RASA3: variants seen among roughly 807,000 people sequenced by gnomAD.
RASA3 encodes the protein ras GTPase-activating protein 3.
RASA3 carries 73 observed loss-of-function variants against 110.0 expected under a neutral mutation model. The observed-to-expected ratio is 0.66, with a 90% CI of 0.55 to 0.81. The LOEUF (loss-of-function observed/expected upper bound fraction) is 0.81, where lower values mean the gene tolerates loss of function less well. RASA3 is among the 30% of genes least tolerant of loss of function. RASA3 has a pLI of 0.00. For synonymous variants in RASA3, 500 were observed against 451.4 expected, an observed-to-expected ratio of 1.11 and a Z score of -1.37; for missense variants, 976 against 1,113.2, an observed-to-expected ratio of 0.88 and a Z score of 1.75.
At position 114,114,239 on chromosome 13, in the gene RASA3, G is replaced by A. The variant is rs1004476134; in HGVS notation, c.55+18196C>T. Among the ~76,000 whole-genome samples, 7 of 152,228 alleles carry A rather than the reference G, an allele frequency of 4.6e-5. No homozygotes were observed. Among genetic ancestry groups the A allele is most frequent in the African/African-American group, 9.6e-5 (4 of 41,464 alleles). On this transcript the variant is annotated intron_variant, in intron 1 of 23. Coordinates refer to ENST00000334062, the MANE Select transcript of RASA3 (RefSeq NM_007368.4). The surrounding 1 kb of genome is among the most constrained non-coding windows in gnomAD (Gnocchi z 4.8). ...CTATCCTCAGCACAGCCCATGTGAC[G>A]TTAGAAAGGCAACCGCAAATTCAGC...
Position 113,978,735 on chromosome 13 carries a change from AC to A in RASA3, c.*611del, listed in dbSNP as rs2052835692. The stretch of plus-strand genomic sequence containing the variant: ...GACTGGGACTTCTGTGTAATTCTGC[AC>A]CTCCCAGCCATAAAACTGACCCCTC... On this transcript the variant is annotated 3_prime_UTR_variant, in exon 24 of 24. Transcript: ENST00000334062. 1 of 153,162 alleles carries A rather than the reference AC, an allele frequency of 6.5e-6. No individual in the cohort carries two copies. The highest frequency in any genetic ancestry group is 6.5e-5 in the Admixed American group (1 of 15,460). 9.5% of individuals were successfully genotyped at this position (153,162 alleles called of 1,614,324 possible). A position where few individuals can be genotyped will look rare whatever the true frequency, so the allele number is the denominator to read the frequency against.
intron 1 of RASA3, among the ~76,000 whole-genome samples, chr13:114,107,193 C>G (rs1366220926): frequency 6.6e-6 from 1 of 152,212 alleles, no homozygotes; most frequent in Admixed American, 6.5e-5. Context: ...GCCTGTGTGT[C>G]TGCCTTTGTG....
intron 7 of RASA3, among the ~76,000 whole-genome samples, chr13:114,027,030 A>C (rs2139364480): frequency 6.6e-6 from 1 of 152,270 alleles, no homozygotes; most frequent in South Asian, 2.1e-4. Flanking sequence ...AAAAACAAAA[A>C]CCCCCAAGGT....
At chr13:114,023,214 GCATCCCAGGCTCAGGGA>G (rs1483520146) in intron 8 of RASA3, among the ~76,000 whole-genome samples, 36 of 152,062 alleles carry the variant, frequency 2.4e-4, no homozygotes, top group African/African-American at 1.2e-4. Context: ...GAAAGCAGGT[GCATCCCAGGCTCAGGGA>G]CATCCCAGGC....
At chr13:114,073,599 G>A in intron 2 of RASA3, 121 bp downstream of exon 2, 1 of 825,942 alleles carries the variant, frequency 1.2e-6, no homozygotes, top group Non-Finnish European at 2.1e-6. Flanking sequence ...ACGGGATGGT[G>A]ACGTACACGC....
rs2079099229 is a variant in RASA3, at chr13:114,048,907, TC to T, written c.277+3144del. The stretch of plus-strand genomic sequence containing the variant: ...GGAGGGCTGAGGGCAGGCCTTTATT[TC>T]CCCAAGTCTCACTTGCCGGGGCGCC... On this transcript the variant is annotated intron_variant, in intron 3 of 23. Transcript: ENST00000334062. This position sits in a 1 kb window ranked among gnomAD's most constrained non-coding sequence, Gnocchi z 4.3. Among the ~76,000 whole-genome samples, 2 of 151,786 alleles carry T rather than the reference TC, an allele frequency of 1.3e-5. No homozygotes were observed. Among genetic ancestry groups the T allele is most frequent in the Admixed American group, 1.3e-4 (2 of 15,216 alleles).
At chr13:114,073,167 C>T (rs1209265395) in intron 2 of RASA3, among the ~76,000 whole-genome samples, 2 of 149,082 alleles carry the variant, frequency 1.3e-5, no homozygotes, top group African/African-American at 4.9e-5. Context: ...TGTCTACACA[C>T]AGAAAAATTC....
intron 22 of RASA3, 112 bp downstream of exon 22, chr13:113,992,373 A>G (rs2139094506): frequency 1.3e-6 from 1 of 781,814 alleles, no homozygotes; most frequent in East Asian, 2.7e-5. Context: ...CATGTAGCCC[A>G]CACTACACCA....
chr13:114,002,726 A>G (rs1027932704), intron 18 of RASA3, among the ~76,000 whole-genome samples: 3 of 152,168 alleles, frequency 2.0e-5, no homozygotes, highest in Non-Finnish European at 4.4e-5. Context: ...AGTGGAGAGA[A>G]GCCAGTGGCT....
At chr13:114,046,154 C>T (rs1335007093) in intron 3 of RASA3, among the ~76,000 whole-genome samples, 1 of 152,160 alleles carries the variant, frequency 6.6e-6, no homozygotes, top group African/African-American at 2.4e-5. Flanking sequence ...TCTTACACTA[C>T]AATGTAAGAC....
intron 1 of RASA3, among the ~76,000 whole-genome samples, chr13:114,132,160 C>A (rs1366800300): frequency 6.6e-6 from 1 of 152,342 alleles, no homozygotes; most frequent in East Asian, 1.9e-4. Flanking sequence ...ACCCCACCTC[C>A]TCCGCCGCTA....
In RASA3 at chr13:114,020,809, C is replaced by A. The variant is rs1200814243; in HGVS notation, c.785+595G>T. On this transcript the variant is annotated intron_variant, in intron 9 of 23. Coordinates refer to ENST00000334062, the MANE Select transcript of RASA3 (RefSeq NM_007368.4). Reference sequence around the variant, plus strand: ...AGACGTGCAGAGGGGAGTAGAGAACCCTGTAATGCGCCCTCAACAGGAGGT... The same window carrying A: ...AGACGTGCAGAGGGGAGTAGAGAACACTGTAATGCGCCCTCAACAGGAGGT... 3.9e-5 allele frequency among the ~76,000 whole-genome samples: 6 copies of A among 152,200 alleles called. No homozygotes were observed. The East Asian group carries it at 1.2e-3, about 29-fold the overall frequency.
intron 1 of RASA3, among the ~76,000 whole-genome samples, chr13:114,074,947 G>C (rs1233386181): frequency 6.6e-6 from 1 of 152,256 alleles, no homozygotes; most frequent in Admixed American, 6.5e-5. Context: ...AATCCAGACA[G>C]CGGATGCCCA....
At chr13:114,017,406 C>T (rs897953856) in intron 11 of RASA3, 55 bp from the exon 12 acceptor site, 23 of 1,436,876 alleles carry the variant, frequency 1.6e-5, no homozygotes, top group African/African-American at 8.4e-5. Flanking sequence ...GAAGTGCAGA[C>T]GGAGCAGAGC....
intron 3 of RASA3, among the ~76,000 whole-genome samples, chr13:114,045,848 A>G (rs1028334690): frequency 6.6e-6 from 1 of 152,246 alleles, no homozygotes; most frequent in African/African-American, 2.4e-5. Context: ...AAACACATAA[A>G]ACACAGGGAA....
chr13:114,003,384 TCAGA>T, intron 18 of RASA3, among the ~76,000 whole-genome samples: 1 of 152,314 alleles, frequency 6.6e-6, no homozygotes, highest in Non-Finnish European at 1.5e-5. Flanking sequence ...CTTCTCGGCG[TCAGA>T]CACACAAGCC....
intron 1 of RASA3, among the ~76,000 whole-genome samples, chr13:114,100,876 C>T (rs1037204271): frequency 2.6e-5 from 4 of 152,224 alleles, no homozygotes; most frequent in Non-Finnish European, 5.9e-5. Flanking sequence ...AGGTGGACTG[C>T]GGGGCCTCAA....
At chr13:114,043,863 GCCCCCCCGCCCCGC>G (rs2078989702) in intron 3 of RASA3, among the ~76,000 whole-genome samples, 1 of 5,968 alleles carries the variant, frequency 1.7e-4, no homozygotes, top group Non-Finnish European at 2.8e-4. Context: ...CACTCGCTGA[GCCCCCCCGCCCCGC>G]CTCACTCGCT....
At chr13:114,018,414 C>T (rs2053842023) in intron 10 of RASA3, among the ~76,000 whole-genome samples, 162 bp from the exon 11 acceptor site, 2 of 152,236 alleles carry the variant, frequency 1.3e-5, no homozygotes, top group Admixed American at 6.5e-5. Flanking sequence ...CCATTTGCTG[C>T]TGCTTGGCTG....
Sources: gnomAD v4.1 joint callset for allele counts (sites outside exome capture counted in the v4.1 genomes callset) on GRCh38, gnomAD v4.1.1 for gene constraint, Gnocchi (gnomAD v3.1) non-coding constraint, MANE v1.5 for transcripts, NCBI Gene and HGNC (gene_info 2026-07-23, HGNC 2026-07-21) for gene names.